The following HIVEP3 variants were observed in gnomAD, a reference collection of about 807,000 sequenced individuals.
HIVEP3 encodes transcription factor HIVEP3.
HIVEP3 carries 49 observed loss-of-function variants against 152.8 expected under a neutral mutation model. The observed-to-expected ratio is 0.32, with a 90% confidence interval of 0.26 to 0.41. The LOEUF (loss-of-function observed/expected upper bound fraction) is 0.41, where lower values mean the gene tolerates loss of function less well. HIVEP3 is among the 10% of genes least tolerant of loss of function. HIVEP3 has a pLI of 1.00. For missense variants in HIVEP3, 2,790 were observed against 3,103.3 expected (o/e 0.90, Z 2.40); for synonymous variants, 1,269 against 1,289.0 (o/e 0.98, Z 0.33).
intron 5 of HIVEP3, among the ~76,000 whole-genome samples, chr1:41,529,208 ACT>A (rs1434779277): frequency 7.3e-5 from 2 of 27,280 alleles, no homozygotes; most frequent in African/African-American, 1.8e-4. Flanking sequence ...ACACCCATAC[ACT>A]CACACCCTCA....
At chr1:41,820,935 GTTC>G (rs1642577067) in intron 1 of HIVEP3, among the ~76,000 whole-genome samples, 1 of 152,200 alleles carries the variant, frequency 6.6e-6, no homozygotes, top group Non-Finnish European at 1.5e-5. Context: ...GTTGCAAGTG[GTTC>G]CTACCCTCCC....
At chr1:41,897,780 G>A (rs546297915) in intron 1 of HIVEP3, among the ~76,000 whole-genome samples, 2 of 152,220 alleles carry the variant, frequency 1.3e-5, no homozygotes, top group South Asian at 2.1e-4. Flanking sequence ...AGAGCCTAAC[G>A]TGTGGTCATG....
intron 3 of HIVEP3, among the ~76,000 whole-genome samples, chr1:41,605,788 G>A (rs556969311): frequency 5.4e-4 from 82 of 152,268 alleles, no homozygotes; most frequent in Non-Finnish European, 8.8e-5. Flanking sequence ...GGTCCAGTGT[G>A]GTTAGAGTGT....
chr1:41,517,173 G>C (rs115980914), intron 7 of HIVEP3, among the ~76,000 whole-genome samples: 2,224 of 152,306 alleles, frequency 0.015, 65 homozygotes, highest in African/African-American at 0.051. Context: ...TCAGGGGAGG[G>C]CTCTGGCTTA....
rs34180186 is a variant in HIVEP3 at position 41,851,289 on chromosome 1, C to CT, written c.-801+67123dup. Among the ~76,000 whole-genome samples, 393 of 59,782 alleles carry CT rather than the reference C, an allele frequency of 6.6e-3. 19 individuals carry two copies. Among genetic ancestry groups the CT allele is most frequent in the East Asian group, 0.027 (37 of 1,376 alleles). 39.2% of individuals were successfully genotyped at this position (59,782 alleles called of 152,430 possible). ...GATGAGAGAGCACCTTCTTCTTCTT[C>CT]TTTTTTTTTTTTTTTTTTTTTTTTT... On this transcript the variant is annotated intron_variant, in intron 1 of 8. Coordinates refer to ENST00000372583, the MANE Select transcript of HIVEP3 (RefSeq NM_024503.5).
chr1:41,840,631 C>G (rs1643259410), intron 1 of HIVEP3, among the ~76,000 whole-genome samples: 1 of 152,148 alleles, frequency 6.6e-6, no homozygotes, highest in Non-Finnish European at 1.5e-5. Context: ...TCACGAGACC[C>G]TACATTCTCA....
intron 2 of HIVEP3, among the ~76,000 whole-genome samples, chr1:41,659,426 C>A (rs1645678528): frequency 6.6e-6 from 1 of 152,184 alleles, no homozygotes; most frequent in African/African-American, 2.4e-5. Context: ...CACTGGAATG[C>A]AAACTCCCTG....
intron 1 of HIVEP3, among the ~76,000 whole-genome samples, chr1:41,897,594 A>T (rs1447117112): frequency 6.6e-6 from 1 of 152,134 alleles, no homozygotes; most frequent in Non-Finnish European, 1.5e-5. Context: ...ACCCATTCTA[A>T]GGTATTTTGC....
chr1:41,812,456 C>T (rs977269371), intron 1 of HIVEP3, among the ~76,000 whole-genome samples: 39 of 151,852 alleles, frequency 2.6e-4, no homozygotes, highest in African/African-American at 5.8e-4. Context: ...AAAACAACAA[C>T]AAAAACAAAA....
At position 41,588,995 on chromosome 1, in the gene HIVEP3, T is replaced by C. The variant is rs149888981; in HGVS notation, c.-521-3677A>G. 5.9e-5 allele frequency among the ~76,000 whole-genome samples: 9 copies of C among 152,252 alleles called. No individual in the cohort carries two copies. The East Asian group carries it at 1.5e-3, about 26-fold the overall frequency. On this transcript the variant is annotated intron_variant, in intron 3 of 8. Coordinates refer to ENST00000372583, the MANE Select transcript of HIVEP3 (RefSeq NM_024503.5). ...CTTCTGTCTTGGAATGGATTCCAAA[T>C]GTGGTGCGGCATAAACCGAAGGACC...
chr1:41,682,754 C>T (rs562616075), intron 2 of HIVEP3, among the ~76,000 whole-genome samples: 120 of 152,208 alleles, frequency 7.9e-4, no homozygotes, highest in Middle Eastern at 6.8e-3. Context: ...TAAGAGCCTG[C>T]GGAAGCTCAC....
intron 1 of HIVEP3, among the ~76,000 whole-genome samples, chr1:41,729,239 T>A (rs1646803149): frequency 6.6e-6 from 1 of 152,218 alleles, no homozygotes; most frequent in Non-Finnish European, 1.5e-5. Flanking sequence ...CGGCAGCCCC[T>A]TTCCCTGCCT....
At chr1:41,870,976 C>T (rs748008643) in intron 1 of HIVEP3, among the ~76,000 whole-genome samples, 3 of 152,180 alleles carry the variant, frequency 2.0e-5, no homozygotes, top group Admixed American at 1.3e-4. Flanking sequence ...AAATGGATTA[C>T]GACACGTGAA....
At chr1:41,537,590 G>T (rs1643430807) in intron 5 of HIVEP3, among the ~76,000 whole-genome samples, 1 of 152,254 alleles carries the variant, frequency 6.6e-6, no homozygotes, top group African/African-American at 2.4e-5. Context: ...TGGAAAGAGA[G>T]GAAAGTGCCA....
At chr1:41,744,916 G>C (rs1237690620) in intron 1 of HIVEP3, among the ~76,000 whole-genome samples, 1 of 152,204 alleles carries the variant, frequency 6.6e-6, no homozygotes, top group Non-Finnish European at 1.5e-5. Context: ...GGGTGGGAGA[G>C]GAAGGTCTCT....
intron 1 of HIVEP3, among the ~76,000 whole-genome samples, chr1:41,771,826 G>A (rs1013415993): frequency 1.3e-5 from 2 of 152,024 alleles, no homozygotes; most frequent in African/African-American, 4.8e-5. Flanking sequence ...CACCATGCCC[G>A]GCTAATTTTT....
chr1:41,584,459 G>T lies in HIVEP3; in HGVS notation c.339C>A (p.Leu113=). 4.3e-6 allele frequency: 7 copies of T among 1,614,166 alleles called. No homozygotes were observed. Among genetic ancestry groups the T allele is most frequent in the Non-Finnish European group, 5.9e-6 (7 of 1,180,022 alleles). The change falls in exon 4 of 9, where the codon CTC becomes CTA. Residue 113 remains leucine, a synonymous_variant. Coordinates refer to ENST00000372583, the MANE Select transcript of HIVEP3 (RefSeq NM_024503.5). The surrounding 1 kb of genome is among the most constrained non-coding windows in gnomAD (Gnocchi z 5.2). ...CCAGTTGCCATGTGGACCCCTCCAGGAGATGCTCAGGTTTGCCAGGCGACA... is the reference window on the plus strand; with the variant it reads ...CCAGTTGCCATGTGGACCCCTCCAGTAGATGCTCAGGTTTGCCAGGCGACA... ...AFMSPGKPEH[L]LEGSTWQLVD...
intron 1 of HIVEP3, among the ~76,000 whole-genome samples, chr1:41,994,518 C>T (rs1645383712): frequency 6.6e-6 from 1 of 152,028 alleles, no homozygotes. Flanking sequence ...TGAGTTCTTG[C>T]GAGATGTGAT....
chr1:41,753,804 T>C (rs1050268873), intron 1 of HIVEP3, among the ~76,000 whole-genome samples: 2 of 152,204 alleles, frequency 1.3e-5, no homozygotes, highest in African/African-American at 2.4e-5. Flanking sequence ...AGGCATCATG[T>C]GCCAGGCAGT....
Sources: gnomAD v4.1 joint callset for allele counts (sites outside exome capture counted in the v4.1 genomes callset) on GRCh38, gnomAD v4.1.1 for gene constraint, Gnocchi (gnomAD v3.1) non-coding constraint, MANE v1.5 for transcripts, NCBI Gene and HGNC (gene_info 2026-07-23, HGNC 2026-07-21) for gene names.